The following CFAP47 variants were observed in gnomAD, a reference collection of about 807,000 sequenced individuals.
CFAP47 encodes the protein cilia and flagella associated protein 47, also known as cilia- and flagella-associated protein 47.
CFAP47 carries 29 observed loss-of-function variants against 148.1 expected under a neutral mutation model. The observed-to-expected ratio is 0.20, with a 90% CI of 0.15 to 0.27. The LOEUF (loss-of-function observed/expected upper bound fraction) is 0.27, where lower values mean the gene tolerates loss of function less well. Among genes scored for constraint, CFAP47 ranks in the 10% least tolerant of loss-of-function variants. CFAP47 has a pLI of 1.00. For synonymous variants in CFAP47, 664 were observed against 577.3 expected (o/e 1.15, Z -2.15); for missense variants, 1,872 against 1,697.5 (o/e 1.10, Z -1.81).
chrX:36,039,263 G>A (rs1937374386), intron 25 of CFAP47, 84 bp downstream of exon 25: 2 of 422,371 alleles, frequency 4.7e-6, no homozygotes, highest in African/African-American at 5.2e-5. Context: ...ATATAAGAAT[G>A]GCTTGTTTCT....
chrX:36,000,005 A>G (rs1281612376), intron 19 of CFAP47, among the ~76,000 whole-genome samples: 1 of 111,162 alleles, frequency 9.0e-6, no homozygotes, highest in Non-Finnish European at 1.9e-5. Context: ...GAGAAAAGTA[A>G]AAATCTAGAA....
chrX:36,312,393 C>G (rs1941400913), intron 56 of CFAP47, among the ~76,000 whole-genome samples: 1 of 110,747 alleles, frequency 9.0e-6, no homozygotes, highest in Admixed American at 9.7e-5. Flanking sequence ...GAAAAAGGAA[C>G]ATGGAGCTGA....
intron 2 of CFAP47, among the ~76,000 whole-genome samples, chrX:35,934,134 G>C (rs754717996): frequency 1.8e-5 from 2 of 111,023 alleles, no homozygotes; most frequent in African/African-American, 3.3e-5. Context: ...TGCTACTCAA[G>C]AAATCTATGC....
At chrX:36,343,326 GA>G (rs1556016087) in intron 57 of CFAP47, among the ~76,000 whole-genome samples, 1 of 111,288 alleles carries the variant, frequency 9.0e-6, no homozygotes, top group Non-Finnish European at 1.9e-5. Flanking sequence ...ACAATCATGT[GA>G]AAAAAAAGTT....
intron 51 of CFAP47, 27 bp downstream of exon 51, chrX:36,285,753 C>A (rs1556004445): frequency 1.8e-6 from 2 of 1,102,846 alleles, no homozygotes; most frequent in Non-Finnish European, 2.4e-6. Flanking sequence ...TGTTCATAGA[C>A]TCTGTCATTT....
At chrX:36,253,599 T>A (rs1460135207) in intron 49 of CFAP47, among the ~76,000 whole-genome samples, 3 of 111,788 alleles carry the variant, frequency 2.7e-5, no homozygotes, top group Admixed American at 9.5e-5. Flanking sequence ...GATACTTTTT[T>A]AAAATTTTGT....
rs763594762 is a variant in CFAP47 at position 36,073,296 on chromosome X, G to A, written c.4623G>A (p.Gln1541=). 1 of 1,210,687 alleles carries A rather than the reference G, an allele frequency of 8.3e-7. No homozygotes were observed. Among genetic ancestry groups the A allele is most frequent in the Non-Finnish European group, 1.1e-6 (1 of 894,884 alleles). The change falls in exon 29 of 64, where the codon CAG becomes CAA. Residue 1541 remains glutamine (Q), a synonymous_variant. Coordinates refer to ENST00000378653, the MANE Select transcript of CFAP47 (RefSeq NM_001304548.2). ...YFFEKVVNAA[Q]TWFSLFGWPE... ...TTGAGAAGGTTGTAAATGCAGCACA[G>A]ACCTGGTTCAGTCTCTTTGGCTGGC...
At chrX:35,955,812 G>T in intron 7 of CFAP47, 149 bp from the exon 8 acceptor site, 1 of 856,409 alleles carries the variant, frequency 1.2e-6, no homozygotes. Context: ...GCGTGACACA[G>T]AGAAGACACT....
Position 36,047,078 on chromosome X carries a change from T to C in CFAP47, c.4217+15T>C, listed in dbSNP as rs1226628559. The C allele has an allele frequency of 9.8e-7, 1 of 1,020,084 alleles. No homozygotes were observed. The highest frequency in any genetic ancestry group is 1.3e-6 in the Non-Finnish European group (1 of 743,493). 84.1% of individuals were successfully genotyped at this position (1,020,084 alleles called of 1,213,427 possible). On this transcript the variant is annotated intron_variant, in intron 26 of 63. Coordinates refer to ENST00000378653, the MANE Select transcript of CFAP47 (RefSeq NM_001304548.2). ...AGAAAAAACTGGTAAGATATCTAAA[T>C]GTACATTATTTTGTATCTGACATTA...
intron 29 of CFAP47, 62 bp downstream of exon 29, chrX:36,073,426 T>G (rs1460066773): frequency 2.8e-6 from 2 of 717,858 alleles, no homozygotes; most frequent in Admixed American, 6.0e-5. Flanking sequence ...TATAATCTAT[T>G]GATTGAGATT....
intron 45 of CFAP47, among the ~76,000 whole-genome samples, chrX:36,221,160 G>A (rs1181947201): frequency 9.0e-6 from 1 of 111,271 alleles, no homozygotes; most frequent in East Asian, 2.8e-4. Flanking sequence ...AGTAAATGTG[G>A]GTAACTCCCA....
chrX:36,118,804 A>G (rs894477776), intron 33 of CFAP47, among the ~76,000 whole-genome samples: 11 of 111,788 alleles, frequency 9.8e-5, no homozygotes, highest in African/African-American at 3.6e-4. Flanking sequence ...AGTTAAGGAA[A>G]TTCCTAGGTA....
rs764038094 is a variant in CFAP47, at chrX:36,098,773, T to A, written c.4917-20T>A. On this transcript the variant is annotated intron_variant, in intron 30 of 63. Coordinates refer to ENST00000378653, the MANE Select transcript of CFAP47 (RefSeq NM_001304548.2). ...CATGTATATTATATTATAATTTGAG[T>A]TTTTCTTTTTTAATTTTAGTGCTCA... 7.2e-5 allele frequency: 74 copies of A among 1,022,380 alleles called. No individual in the cohort carries two copies. The highest frequency in any genetic ancestry group is 6.8e-5 in the Non-Finnish European group (51 of 746,131). The allele number at this position is 1,022,380 out of a possible 1,213,427, so 84.3% of individuals were successfully genotyped here.
Position 35,956,158 on chromosome X carries a change from G to T in CFAP47, c.1372G>T (p.Asp458Tyr). 1 of 1,210,821 alleles carries T rather than the reference G, an allele frequency of 8.3e-7. No individual in the cohort carries two copies. The highest frequency in any genetic ancestry group is 1.1e-6 in the Non-Finnish European group (1 of 894,727). The change falls in exon 8 of 64, where the codon GAT becomes TAT. Residue 458 changes from aspartate to tyrosine, a missense_variant. Coordinates refer to ENST00000378653, the MANE Select transcript of CFAP47 (RefSeq NM_001304548.2). ...HFKKTANFEI[D>Y]PEKGKITGGG... The stretch of plus-strand genomic sequence containing the variant: ...TAAAAAAACTGCAAATTTTGAAATT[G>T]ATCCTGAAAAGGGCAAGATTACTGG...
intron 22 of CFAP47, among the ~76,000 whole-genome samples, chrX:36,025,271 C>A (rs916410849): frequency 3.6e-5 from 4 of 111,095 alleles, no homozygotes; most frequent in Non-Finnish European, 5.7e-5. Flanking sequence ...TGTCACAGAA[C>A]ATTTCTAAAG....
chrX:35,974,905 A>C (rs867325480), intron 13 of CFAP47, among the ~76,000 whole-genome samples: 1 of 111,292 alleles, frequency 9.0e-6, no homozygotes, highest in Non-Finnish European at 1.9e-5. Flanking sequence ...ATTTAGTCAT[A>C]TAATTTTTCA....
At chrX:36,216,717 TCA>T (rs1240548444) in intron 45 of CFAP47, among the ~76,000 whole-genome samples, 1 of 111,235 alleles carries the variant, frequency 9.0e-6, no homozygotes, top group Non-Finnish European at 1.9e-5. Flanking sequence ...GGAGATGAAA[TCA>T]CAGAGGGTAA....
At chrX:36,107,770 A>T (rs1441943546) in intron 33 of CFAP47, among the ~76,000 whole-genome samples, 1 of 111,524 alleles carries the variant, frequency 9.0e-6, no homozygotes, top group Non-Finnish European at 1.9e-5. Flanking sequence ...TTCATTTATT[A>T]CCATATATAA....
intron 61 of CFAP47, among the ~76,000 whole-genome samples, chrX:36,363,875 G>T (rs1231088241): frequency 9.0e-6 from 1 of 111,248 alleles, no homozygotes; most frequent in Non-Finnish European, 1.9e-5. Context: ...AAAATCAAGG[G>T]TCCAATACAA....
Sources: allele counts gnomAD v4.1 joint callset (sites outside exome capture counted in the v4.1 genomes callset), GRCh38; gene constraint gnomAD v4.1.1; transcripts MANE v1.5; gene names NCBI Gene and HGNC (gene_info 2026-07-23, HGNC 2026-07-21).